FLNB: variants seen among roughly 807,000 people sequenced by gnomAD.
The protein encoded by FLNB is filamin-B.
In FLNB, 111 loss-of-function variants were observed where a neutral mutation model predicts 250.6. The ratio of observed to expected loss-of-function variants is 0.44; its 90% CI spans 0.38 to 0.52. The LOEUF is 0.52. Ranked by LOEUF, FLNB falls within the 20% of genes least tolerant of loss-of-function variation. FLNB has a pLI of 0.00. For synonymous variants in FLNB, 1,302 were observed against 1,372.1 expected (o/e 0.95, Z 1.13); for missense variants, 2,869 against 3,447.8 (o/e 0.83, Z 4.20).
At chr3:58,167,424 C>A (rs185559200) in intron 43 of FLNB, among the ~76,000 whole-genome samples, 14 of 152,350 alleles carry the variant, frequency 9.2e-5, no homozygotes, top group Non-Finnish European at 4.4e-5. Context: ...AACAATAATT[C>A]TTTCTCTGGA....
intron 10 of FLNB, 88 bp downstream of exon 10, chr3:58,104,173 G>A (rs1576724040): frequency 7.2e-7 from 1 of 1,398,496 alleles, no homozygotes; most frequent in Admixed American, 2.0e-5. Context: ...GCTGCAGGAG[G>A]GAAAGAGATC....
chr3:58,087,567 C>T (rs1257139419), intron 4 of FLNB, among the ~76,000 whole-genome samples: 3 of 152,048 alleles, frequency 2.0e-5, no homozygotes, highest in Admixed American at 2.0e-4. Flanking sequence ...GTTCTCCTGC[C>T]TCAGCCTGCC....
rs111767549 is a variant in FLNB at position 58,074,001 on chromosome 3, G to A, written c.293-3045G>A. ...CTGCTAAAGTGGAGTTTCATGCATC[G>A]TAATATGGTCATGGGAGTAATAGCC... is the stretch of plus-strand genomic sequence containing the variant. On this transcript the variant is annotated intron_variant, in intron 1 of 45. Coordinates refer to ENST00000295956, the MANE Select transcript of FLNB (RefSeq NM_001457.4). Among the ~76,000 whole-genome samples the A allele has an allele frequency of 2.8e-3, 424 of 152,290 alleles. 5 individuals carry two copies. The highest frequency in any genetic ancestry group is 9.7e-3 in the African/African-American group (401 of 41,552).
chr3:58,009,157 TG>T (rs2097094602), intron 1 of FLNB, among the ~76,000 whole-genome samples: 1 of 152,132 alleles, frequency 6.6e-6, no homozygotes, highest in Admixed American at 6.5e-5. Context: ...TCTCTACACC[TG>T]GGGCGCCCCT....
chr3:58,071,083 G>A (rs1007405646), intron 1 of FLNB, among the ~76,000 whole-genome samples: 9 of 150,672 alleles, frequency 6.0e-5, no homozygotes, highest in African/African-American at 2.2e-4. Flanking sequence ...AGTACTAGTT[G>A]GTACTAATGG....
chr3:58,125,554 T>A (rs191505761), intron 22 of FLNB, 27 bp from the exon 23 acceptor site: 2 of 1,613,038 alleles, frequency 1.2e-6, no homozygotes, highest in African/African-American at 2.7e-5. Flanking sequence ...TATGCAAATA[T>A]GCGTTTCTGT....
Position 58,043,141 on chromosome 3 carries a change from C to CTTT in FLNB, c.293-33884_293-33882dup, listed in dbSNP as rs58727890. 3.8e-3 allele frequency among the ~76,000 whole-genome samples: 385 copies of CTTT among 101,900 alleles called. 3 individuals are homozygous for CTTT. Among genetic ancestry groups the CTTT allele is most frequent in the African/African-American group, 5.9e-3 (138 of 23,294 alleles). The allele number at this position is 101,900 out of a possible 152,430, so 66.9% of individuals were successfully genotyped here. A position where few individuals can be genotyped will look rare whatever the true frequency, so the allele number is the denominator to read the frequency against. On this transcript the variant is annotated intron_variant, in intron 1 of 45. Transcript: ENST00000295956. ...AAGTCATTTTGGTAATTTGGCATTC[C>CTTT]TTTTTTTTTTTTTTTTTTTTTTTGA...
chr3:58,092,419 G>A (rs1244485620), intron 4 of FLNB, among the ~76,000 whole-genome samples: 1 of 152,116 alleles, frequency 6.6e-6, no homozygotes, highest in African/African-American at 2.4e-5. Flanking sequence ...TGAGGCTGGA[G>A]GATCACTTGA....
rs144621434 is a variant in FLNB at position 58,170,621 on chromosome 3, C to T, written c.7668C>T (p.Cys2556=). The T allele has an allele frequency of 3.0e-4, 480 of 1,614,102 alleles. 1 individual carries two copies. The African/African-American group carries it at 3.9e-3, about 13-fold the overall frequency. The change falls in exon 46 of 46, where the codon TGC becomes TGT. Residue 2556 remains cysteine, a synonymous_variant. Transcript: ENST00000295956. ...GGGTCCATGGGCCCACCACCCCCTG[C>T]GAGGAGGTCTCCATGAAGCATGTAG... ...LIGVHGPTTP[C]EEVSMKHVGN...
chr3:58,105,697 T>A (rs955617932), intron 11 of FLNB, among the ~76,000 whole-genome samples: 4 of 152,224 alleles, frequency 2.6e-5, no homozygotes, highest in African/African-American at 9.7e-5. Context: ...GGCCTTATGG[T>A]CTCTGTCACA....
intron 1 of FLNB, among the ~76,000 whole-genome samples, chr3:58,030,614 C>T (rs2097129525): frequency 6.6e-6 from 1 of 152,184 alleles, no homozygotes; most frequent in South Asian, 2.1e-4. Context: ...TGGCTCATGC[C>T]TGTAATCCCA....
intron 35 of FLNB, 100 bp downstream of exon 35, chr3:58,148,464 T>A: frequency 7.0e-7 from 1 of 1,427,142 alleles, no homozygotes; most frequent in Non-Finnish European, 9.7e-7. Flanking sequence ...CAATGGAGTG[T>A]GATGTGATAA....
intron 1 of FLNB, among the ~76,000 whole-genome samples, chr3:58,073,226 T>G (rs1443510513): frequency 6.6e-6 from 1 of 152,050 alleles, no homozygotes; most frequent in Non-Finnish European, 1.5e-5. Context: ...TCCCTTTAAC[T>G]TAAAGGAATT....
intron 26 of FLNB, 104 bp downstream of exon 26, chr3:58,133,035 C>A: frequency 7.7e-7 from 1 of 1,299,326 alleles, no homozygotes; most frequent in Non-Finnish European, 1.1e-6. Flanking sequence ...ATCATTCCAT[C>A]CATCCACTCA....
intron 1 of FLNB, among the ~76,000 whole-genome samples, chr3:58,076,712 G>A (rs1402873334): frequency 2.6e-5 from 4 of 151,420 alleles, no homozygotes; most frequent in East Asian, 3.9e-4. Flanking sequence ...CTCCTGCCTC[G>A]GCCTCCCAAA....
In FLNB at chr3:58,099,479, T is replaced by G. The variant is rs536500941; in HGVS notation, c.1345+571T>G. On this transcript the variant is annotated intron_variant, in intron 8 of 45. Coordinates refer to ENST00000295956, the MANE Select transcript of FLNB (RefSeq NM_001457.4). ...TACTCTGCTAAACTCCCTCTGGCGC[T>G]GGGGGTACGCATTTTTCTCAAATGT... is the stretch of plus-strand genomic sequence containing the variant. 1.1e-4 allele frequency among the ~76,000 whole-genome samples: 16 copies of G among 152,338 alleles called. No homozygotes were observed. The South Asian group carries it at 3.3e-3, about 32-fold the overall frequency.
chr3:58,146,474 G>A (rs1284483693), intron 33 of FLNB, among the ~76,000 whole-genome samples: 1 of 152,208 alleles, frequency 6.6e-6, no homozygotes, highest in Non-Finnish European at 1.5e-5. Context: ...GCCAGTGCCT[G>A]ATGGGCAGGG....
chr3:58,077,884 G>A (rs577520107), intron 2 of FLNB, among the ~76,000 whole-genome samples: 1 of 152,224 alleles, frequency 6.6e-6, no homozygotes, highest in Non-Finnish European at 1.5e-5. Context: ...GGAGGGTTTA[G>A]ATTGATGGGT....
intron 27 of FLNB, among the ~76,000 whole-genome samples, chr3:58,135,213 A>T (rs2097313990): frequency 6.6e-6 from 1 of 152,216 alleles, no homozygotes; most frequent in African/African-American, 2.4e-5. Context: ...AGACTAAGTT[A>T]TGCTGCATAT....
Sources: gnomAD v4.1 joint callset for allele counts (sites outside exome capture counted in the v4.1 genomes callset) on GRCh38, gnomAD v4.1.1 for gene constraint, MANE v1.5 for transcripts, NCBI Gene and HGNC (gene_info 2026-07-23, HGNC 2026-07-21) for gene names.